The following ATP6V0A2 variants were observed in gnomAD, a reference collection of about 807,000 sequenced individuals.
ATP6V0A2 encodes the protein V-type proton ATPase 116 kDa subunit a 2.
In ATP6V0A2, 58 loss-of-function variants were observed where a neutral mutation model predicts 104.4. The observed-to-expected ratio is 0.56, with a 90% CI of 0.45 to 0.69. The LOEUF is 0.69. Ranked by LOEUF, ATP6V0A2 falls within the 30% of genes least tolerant of loss-of-function variation. The pLI, the probability that ATP6V0A2 is intolerant of heterozygous loss-of-function variation, is 0.00. For missense variants in ATP6V0A2, 938 were observed against 1,062.9 expected, an observed-to-expected ratio of 0.88 and a Z score of 1.63; for synonymous variants, 376 against 397.9, an observed-to-expected ratio of 0.95 and a Z score of 0.65.
At chr12:123,755,086 C>G (rs1025111180) in intron 18 of ATP6V0A2, among the ~76,000 whole-genome samples, 1 of 152,168 alleles carries the variant, frequency 6.6e-6, no homozygotes, top group Non-Finnish European at 1.5e-5. Flanking sequence ...ACCACAGTAC[C>G]TAGCCGTGCA....
intron 1 of ATP6V0A2, among the ~76,000 whole-genome samples, 197 bp downstream of exon 1, chr12:123,712,879 C>A (rs1956306493): frequency 6.6e-6 from 1 of 152,160 alleles, no homozygotes. Flanking sequence ...CGCCGGCCGT[C>A]TGTGTGGTCG....
intron 9 of ATP6V0A2, among the ~76,000 whole-genome samples, chr12:123,742,607 T>A (rs1956620157): frequency 6.6e-6 from 1 of 152,046 alleles, no homozygotes; most frequent in African/African-American, 2.4e-5. Flanking sequence ...GAGGCCGAGG[T>A]GGGCAGATCA....
chr12:123,758,071 G>T lies in ATP6V0A2; in HGVS notation c.*39G>T. 7.3e-7 allele frequency: 1 copy of T among 1,376,008 alleles called. No homozygotes were observed. 85.2% of individuals were successfully genotyped at this position (1,376,008 alleles called of 1,614,324 possible). ...ACCAACAAGCTTTCAGATTTATGGA[G>T]AATGACCATGTTATAGACTTTCACT... On this transcript the variant is annotated 3_prime_UTR_variant, in exon 20 of 20. Transcript: ENST00000330342.
rs1956827103 is a variant in ATP6V0A2, at chr12:123,761,652, G to A, written c.*3620G>A. ...TGTGAGGGGAAATGACAGTGAACAA[G>A]TTAGTACTTTGCTCCACAAATGCAT... On this transcript the variant is annotated 3_prime_UTR_variant, in exon 20 of 20. Coordinates refer to ENST00000330342, the MANE Select transcript of ATP6V0A2 (RefSeq NM_012463.4). 1 of 152,200 alleles carries A rather than the reference G, an allele frequency of 6.6e-6. No individual in the cohort carries two copies. 9.4% of individuals were successfully genotyped at this position (152,200 alleles called of 1,614,324 possible). A position where few individuals can be genotyped will look rare whatever the true frequency, so the allele number is the denominator to read the frequency against.
At chr12:123,718,332 T>C (rs1245103109) in intron 1 of ATP6V0A2, among the ~76,000 whole-genome samples, 3 of 152,022 alleles carry the variant, frequency 2.0e-5, no homozygotes, top group Non-Finnish European at 4.4e-5. Flanking sequence ...TCAAGTGATC[T>C]GCCCGCCTCA....
chr12:123,744,193 T>C lies in ATP6V0A2; in HGVS notation c.1190-8T>C. The C allele has an allele frequency of 6.2e-7, 1 of 1,614,236 alleles. No individual in the cohort carries two copies. Among genetic ancestry groups the C allele is most frequent in the Non-Finnish European group, 8.5e-7 (1 of 1,180,040 alleles). On this transcript the variant is annotated splice_polypyrimidine_tract_variant and splice_region_variant and intron_variant, in intron 10 of 19. Coordinates refer to ENST00000330342, the MANE Select transcript of ATP6V0A2 (RefSeq NM_012463.4). The surrounding 1 kb of genome is among the most constrained non-coding windows in gnomAD (Gnocchi z 5.4). The stretch of plus-strand genomic sequence containing the variant: ...TGAATCAGAAATCTCTTTCCCTTTT[T>C]TCTGCAGCTCTCTTTACCATCATCA...
chr12:123,750,980 C>T (rs1462420205), intron 15 of ATP6V0A2, 130 bp from the exon 16 acceptor site: 1 of 1,276,024 alleles, frequency 7.8e-7, no homozygotes, highest in East Asian at 2.3e-5. Flanking sequence ...GCAAGTGTAG[C>T]TGGCTGGCAT....
chr12:123,752,646 G>A (rs1426995649), intron 17 of ATP6V0A2, among the ~76,000 whole-genome samples: 1 of 152,180 alleles, frequency 6.6e-6, no homozygotes, highest in African/African-American at 2.4e-5. Context: ...GTTATATTAA[G>A]AGTTATGATT....
At chr12:123,728,395 CTTT>C (rs34247373) in intron 6 of ATP6V0A2, among the ~76,000 whole-genome samples, 5 of 124,486 alleles carry the variant, frequency 4.0e-5, no homozygotes, top group African/African-American at 1.6e-4. Context: ...CCTCACCTGG[CTTT>C]TTTTTTTTTT....
At chr12:123,736,642 G>C (rs11833169) in intron 8 of ATP6V0A2, among the ~76,000 whole-genome samples, 254 of 152,328 alleles carry the variant, frequency 1.7e-3, no homozygotes, top group African/African-American at 5.7e-3. Context: ...AGTTAAGCGA[G>C]AGGATTTCTT....
Position 123,744,548 on chromosome 12 carries a change from A to G in ATP6V0A2, c.1327-49A>G, listed in dbSNP as rs552054992. On this transcript the variant is annotated intron_variant, in intron 11 of 19. Transcript: ENST00000330342. The surrounding 1 kb of genome is among the most constrained non-coding windows in gnomAD (Gnocchi z 5.4). The stretch of plus-strand genomic sequence containing the variant: ...TCGTGCCCACACCGACAGCTGTCAC[A>G]TGGACACCCTCCAGTAACCATATTC... 3 of 1,610,326 alleles carry G rather than the reference A, an allele frequency of 1.9e-6. No homozygotes were observed. The highest frequency in any genetic ancestry group is 2.2e-5 in the East Asian group (1 of 44,874).
chr12:123,714,522 C>G (rs144929778), intron 1 of ATP6V0A2, among the ~76,000 whole-genome samples: 1 of 152,270 alleles, frequency 6.6e-6, no homozygotes, highest in Non-Finnish European at 1.5e-5. Context: ...GGAGGACTCC[C>G]TGAAGGGAAA....
At position 123,712,617 on chromosome 12, in the gene ATP6V0A2, C is replaced by A. The variant is rs1287279072; in HGVS notation, c.52C>A (p.Gln18Lys). ...ETMCLAQLFL[Q>K]SGTAYECLSA... ...CATGTGCCTGGCGCAGCTCTTCCTG[C>A]AGTCGGGCACGGCCTACGAGTGCCT... Residue 18 changes from glutamine (Q) to lysine (K), a missense_variant, in exon 1 of 20, where the codon CAG becomes AAG. Coordinates refer to ENST00000330342, the MANE Select transcript of ATP6V0A2 (RefSeq NM_012463.4). 3 of 1,606,012 alleles carry A rather than the reference C, an allele frequency of 1.9e-6. No individual in the cohort carries two copies. The highest frequency in any genetic ancestry group is 2.7e-5 in the African/African-American group (2 of 74,790).
intron 9 of ATP6V0A2, among the ~76,000 whole-genome samples, chr12:123,741,527 C>T (rs1292479187): frequency 6.6e-6 from 1 of 152,188 alleles, no homozygotes; most frequent in Non-Finnish European, 1.5e-5. Flanking sequence ...TCTCAAACTC[C>T]TGGGTTCAAG....
In ATP6V0A2 at chr12:123,759,079, G is replaced by C. The variant is rs1289686847; in HGVS notation, c.*1047G>C. 6.6e-6 allele frequency: 1 copy of C among 152,628 alleles called. No individual in the cohort carries two copies. Among genetic ancestry groups the C allele is most frequent in the Non-Finnish European group, 1.5e-5 (1 of 68,042 alleles). The allele number at this position is 152,628 out of a possible 1,614,324, so 9.5% of individuals were successfully genotyped here. A position where few individuals can be genotyped will look rare whatever the true frequency, so the allele number is the denominator to read the frequency against. On this transcript the variant is annotated 3_prime_UTR_variant, in exon 20 of 20. Coordinates refer to ENST00000330342, the MANE Select transcript of ATP6V0A2 (RefSeq NM_012463.4). ...GTGTGACTGTAGAAGATATAATGCG[G>C]ACATGATTTGAATTTAGTGACAGCT...
In ATP6V0A2 at chr12:123,743,670, A is replaced by G. The variant is rs988692276; in HGVS notation, c.1039-115A>G. 1.3e-5 allele frequency: 16 copies of G among 1,255,900 alleles called. No homozygotes were observed. The African/African-American group carries it at 2.3e-4, about 18-fold the overall frequency. The allele number at this position is 1,255,900 out of a possible 1,614,324, so 77.8% of individuals were successfully genotyped here. ...CTCCGTCTCAAAAAAAAACAAAACAAAACAACACCACCAAAAAAAACCAAA... is the reference window on the plus strand; with the variant it reads ...CTCCGTCTCAAAAAAAAACAAAACAGAACAACACCACCAAAAAAAACCAAA... On this transcript the variant is annotated intron_variant, in intron 9 of 19. Coordinates refer to ENST00000330342, the MANE Select transcript of ATP6V0A2 (RefSeq NM_012463.4).
At position 123,760,438 on chromosome 12, in the gene ATP6V0A2, G is replaced by A. The variant is rs12368797; in HGVS notation, c.*2406G>A. ...GATGGGCTCCAGTGTCATGTTACCAGAGTTATCGCTCAGTTTTGTTTGTTA... is the reference window on the plus strand; with the variant it reads ...GATGGGCTCCAGTGTCATGTTACCAAAGTTATCGCTCAGTTTTGTTTGTTA... On this transcript the variant is annotated 3_prime_UTR_variant, in exon 20 of 20. Coordinates refer to ENST00000330342, the MANE Select transcript of ATP6V0A2 (RefSeq NM_012463.4). 1 of 152,146 alleles carries A rather than the reference G, an allele frequency of 6.6e-6. No individual in the cohort carries two copies. The highest frequency in any genetic ancestry group is 1.5e-5 in the Non-Finnish European group (1 of 68,034). The allele number at this position is 152,146 out of a possible 1,614,324, so 9.4% of individuals were successfully genotyped here.
intron 1 of ATP6V0A2, among the ~76,000 whole-genome samples, chr12:123,718,122 C>T (rs951478080): frequency 5.3e-5 from 8 of 151,448 alleles, no homozygotes; most frequent in Admixed American, 2.0e-4. Context: ...TAGTGTCTTG[C>T]CCTGTTGCCC....
intron 9 of ATP6V0A2, among the ~76,000 whole-genome samples, chr12:123,738,508 C>T (rs1956578493): frequency 6.6e-6 from 1 of 152,114 alleles, no homozygotes; most frequent in Admixed American, 6.5e-5. Context: ...TCTGTTGGCT[C>T]CTGGTCTGTG....
Sources: allele counts gnomAD v4.1 joint callset (sites outside exome capture counted in the v4.1 genomes callset), GRCh38; gene constraint gnomAD v4.1.1; non-coding constraint Gnocchi (gnomAD v3.1); transcripts MANE v1.5; gene names NCBI Gene and HGNC (gene_info 2026-07-23, HGNC 2026-07-21).